The following XKR9 variants were observed in gnomAD, a reference collection of about 807,000 sequenced individuals.
The protein encoded by XKR9 is XK related 9.
XKR9 carries 32 observed loss-of-function variants against 32.0 expected under a neutral mutation model. The observed-to-expected ratio is 1.00, with a 90% CI of 0.76 to 1.34. The LOEUF (loss-of-function observed/expected upper bound fraction) is 1.34, where lower values mean the gene tolerates loss of function less well. Ranked by LOEUF, XKR9 falls within the 40% of genes most tolerant of loss-of-function variation. The pLI is 0.00. For missense variants in XKR9, 546 were observed against 429.7 expected, an observed-to-expected ratio of 1.27 and a Z score of -2.39; for synonymous variants, 168 against 143.4, an observed-to-expected ratio of 1.17 and a Z score of -1.22.
At chr8:70,721,668 T>C (rs1806285843) in intron 4 of XKR9, among the ~76,000 whole-genome samples, 1 of 152,152 alleles carries the variant, frequency 6.6e-6, no homozygotes, top group Non-Finnish European at 1.5e-5. Context: ...TCTGAGAGAC[T>C]GTTTGTTATG....
At chr8:70,977,061 G>T in the XKR9 span, among the ~76,000 whole-genome samples, 5 of 152,260 alleles carry the variant, frequency 3.3e-5, no homozygotes, top group South Asian at 1.0e-3. Context: ...GATTGGTTGT[G>T]AGAACCCCTT....
intron 2 of XKR9, among the ~76,000 whole-genome samples, chr8:70,768,055 C>G (rs550641286): frequency 6.6e-6 from 1 of 152,200 alleles, no homozygotes; most frequent in East Asian, 1.9e-4. Context: ...CTGATGTGAG[C>G]ATTGTGCTAT....
chr8:70,996,155 A>G, the XKR9 span, among the ~76,000 whole-genome samples: 1 of 152,244 alleles, frequency 6.6e-6, no homozygotes, highest in Admixed American at 6.5e-5. Flanking sequence ...AAGTTTATTA[A>G]CATGTGATGT....
chr8:70,994,585 G>A, the XKR9 span, among the ~76,000 whole-genome samples: 1 of 151,894 alleles, frequency 6.6e-6, no homozygotes, highest in African/African-American at 2.4e-5. Flanking sequence ...ATAGGCATAA[G>A]TGTTACTTGA....
chr8:70,689,868 G>T (rs111645488), intron 3 of XKR9, among the ~76,000 whole-genome samples: 7 of 152,150 alleles, frequency 4.6e-5, no homozygotes, highest in African/African-American at 1.7e-4. Flanking sequence ...CTCTATATGG[G>T]TACACATGAA....
At chr8:70,797,601 T>A in the XKR9 span, among the ~76,000 whole-genome samples, 1 of 151,970 alleles carries the variant, frequency 6.6e-6, no homozygotes, top group Admixed American at 6.6e-5. Context: ...GGGTACAATG[T>A]GCAGGTGTGT....
At chr8:70,689,230 T>A (rs1433115145) in intron 3 of XKR9, among the ~76,000 whole-genome samples, 1 of 151,914 alleles carries the variant, frequency 6.6e-6, no homozygotes, top group African/African-American at 2.4e-5. Context: ...GAAATACAAA[T>A]AGGCCTTAAG....
At chr8:70,708,257 G>A (rs778062355) in intron 4 of XKR9, among the ~76,000 whole-genome samples, 2 of 151,950 alleles carry the variant, frequency 1.3e-5, no homozygotes, top group Non-Finnish European at 2.9e-5. Flanking sequence ...GAAACTAGAG[G>A]TACAAAATTT....
chr8:70,900,864 T>A, the XKR9 span, among the ~76,000 whole-genome samples: 1 of 152,116 alleles, frequency 6.6e-6, no homozygotes, highest in Non-Finnish European at 1.5e-5. Flanking sequence ...TGTGTCCAAG[T>A]GTTCTCATTG....
At chr8:70,978,204 T>C in the XKR9 span, among the ~76,000 whole-genome samples, 1 of 152,192 alleles carries the variant, frequency 6.6e-6, no homozygotes, top group African/African-American at 2.4e-5. Context: ...CCAGTCTGTG[T>C]CTTTTAACTG....
At chr8:70,725,185 C>T (rs557629833) in intron 4 of XKR9, among the ~76,000 whole-genome samples, 2 of 152,266 alleles carry the variant, frequency 1.3e-5, no homozygotes, top group Admixed American at 1.3e-4. Flanking sequence ...CGGGTCCCTC[C>T]CATGACATGT....
intron 4 of XKR9, among the ~76,000 whole-genome samples, chr8:70,726,913 G>T (rs1806488795): frequency 6.6e-6 from 1 of 152,142 alleles, no homozygotes; most frequent in South Asian, 2.1e-4. Flanking sequence ...AATTTTGTGA[G>T]AGTTTTGATG....
At chr8:70,869,787 G>A in the XKR9 span, among the ~76,000 whole-genome samples, 1 of 152,130 alleles carries the variant, frequency 6.6e-6, no homozygotes, top group South Asian at 2.1e-4. Flanking sequence ...ACGTTAGGTG[G>A]GTTAAAGTAG....
At chr8:70,705,239 C>T (rs919680754) in intron 3 of XKR9, among the ~76,000 whole-genome samples, 4 of 151,954 alleles carry the variant, frequency 2.6e-5, no homozygotes, top group African/African-American at 7.3e-5. Flanking sequence ...TATTATGTGC[C>T]GATTCTTAGT....
At chr8:70,958,124 T>A in the XKR9 span, among the ~76,000 whole-genome samples, 1 of 152,200 alleles carries the variant, frequency 6.6e-6, no homozygotes, top group Non-Finnish European at 1.5e-5. Context: ...AGGTTGATTC[T>A]ATGTCTTTGC....
the XKR9 span, among the ~76,000 whole-genome samples, chr8:71,055,479 C>A: frequency 1.3e-5 from 2 of 152,120 alleles, no homozygotes; most frequent in African/African-American, 2.4e-5. Flanking sequence ...AGGAGAATGT[C>A]TATGTTTCTT....
At chr8:70,830,117 A>T in the XKR9 span, among the ~76,000 whole-genome samples, 1 of 152,198 alleles carries the variant, frequency 6.6e-6, no homozygotes, top group Non-Finnish European at 1.5e-5. Context: ...TTTTAAAAGC[A>T]TATGTAGTTA....
chr8:71,037,643 G>A, the XKR9 span, among the ~76,000 whole-genome samples: 1 of 152,112 alleles, frequency 6.6e-6, no homozygotes, highest in Non-Finnish European at 1.5e-5. Context: ...TTTAAATAAG[G>A]TCCTTAAGAG....
the XKR9 span, among the ~76,000 whole-genome samples, chr8:71,035,606 T>TA: frequency 2.0e-5 from 3 of 152,198 alleles, no homozygotes; most frequent in Admixed American, 2.0e-4. Context: ...TGAGCACATC[T>TA]ATCCTTTGAC....
Sources: allele counts gnomAD v4.1 joint callset (sites outside exome capture counted in the v4.1 genomes callset), GRCh38; gene constraint gnomAD v4.1.1; transcripts MANE v1.5; gene names NCBI Gene and HGNC (gene_info 2026-07-23, HGNC 2026-07-21).